FMN2: variants seen among roughly 807,000 people sequenced by gnomAD.
FMN2 encodes formin 2.
FMN2 carries 51 observed loss-of-function variants against 142.3 expected under a neutral mutation model. The ratio of observed to expected loss-of-function variants is 0.36; its 90% CI spans 0.29 to 0.45. The LOEUF is 0.45. Ranked by LOEUF, FMN2 falls within the 20% of genes least tolerant of loss-of-function variation. FMN2 has a pLI of 1.00. For synonymous variants in FMN2, 882 were observed against 869.8 expected, an observed-to-expected ratio of 1.01 and a Z score of -0.25; for missense variants, 1,936 against 2,122.8, an observed-to-expected ratio of 0.91 and a Z score of 1.73.
chr1:240,188,741 G>A (rs765574989), intron 4 of FMN2, among the ~76,000 whole-genome samples: 9 of 152,072 alleles, frequency 5.9e-5, no homozygotes, highest in African/African-American at 9.7e-5. Flanking sequence ...GTATTAGTCC[G>A]TTTTCACACT....
chr1:240,325,404 G>A (rs189596199), intron 8 of FMN2, among the ~76,000 whole-genome samples: 6 of 149,322 alleles, frequency 4.0e-5, no homozygotes, highest in East Asian at 3.9e-4. Flanking sequence ...TCCTCCAAAA[G>A]TAACATAGGT....
At chr1:240,331,047 A>G (rs924144881) in intron 11 of FMN2, among the ~76,000 whole-genome samples, 2 of 152,134 alleles carry the variant, frequency 1.3e-5, no homozygotes, top group Non-Finnish European at 2.9e-5. Context: ...TTCTTTTACC[A>G]TATCTTTCCC....
Position 240,333,901 on chromosome 1 carries a change from C to T in FMN2, c.4599C>T (p.Ser1533=). The part of the protein sequence containing the change: ...KDVKSSDNSR[S]LLSYIVSYYL... ...TTTCTGCCTAGGACAATAGCAGAAG[C>T]CTTTTGTCATATATTGTTTCGTATT... Residue 1533 remains serine, a synonymous_variant, in exon 12 of 18, where the codon AGC becomes AGT. Transcript: ENST00000319653. The T allele has an allele frequency of 3.1e-6, 5 of 1,607,516 alleles. No individual in the cohort carries two copies. The highest frequency in any genetic ancestry group is 4.2e-6 in the Non-Finnish European group (5 of 1,177,346).
chr1:240,362,270 T>A (rs1050897513), intron 14 of FMN2, among the ~76,000 whole-genome samples: 1 of 152,186 alleles, frequency 6.6e-6, no homozygotes, highest in African/African-American at 2.4e-5. Context: ...AGAAACCATA[T>A]GTGACATAGG....
intron 14 of FMN2, among the ~76,000 whole-genome samples, chr1:240,367,739 G>A (rs140740809): frequency 0.025 from 3,317 of 132,770 alleles, 106 homozygotes; most frequent in African/African-American, 0.093. Context: ...CTGCACTCTA[G>A]CCTGGGTGAC....
intron 14 of FMN2, among the ~76,000 whole-genome samples, chr1:240,364,406 G>A (rs1411954387): frequency 1.3e-5 from 2 of 152,082 alleles, no homozygotes; most frequent in Non-Finnish European, 2.9e-5. Flanking sequence ...TTTTGTATTA[G>A]TGCAACATTC....
At chr1:240,242,627 C>A (rs1268471131) in intron 6 of FMN2, among the ~76,000 whole-genome samples, 1 of 152,120 alleles carries the variant, frequency 6.6e-6, no homozygotes, top group East Asian at 1.9e-4. Flanking sequence ...TCAAGACAAC[C>A]AAATGAGAGA....
intron 1 of FMN2, among the ~76,000 whole-genome samples, chr1:240,094,242 T>C (rs943935487): frequency 6.6e-6 from 1 of 152,246 alleles, no homozygotes; most frequent in African/African-American, 2.4e-5. Context: ...GTATGTGATA[T>C]GTAGTTTCTA....
chr1:240,469,552 CAG>C (rs1159525047), intron 16 of FMN2, among the ~76,000 whole-genome samples: 3 of 152,168 alleles, frequency 2.0e-5, no homozygotes, highest in Admixed American at 2.0e-4. Context: ...TCTTGAAGCT[CAG>C]TTTGCTGTTT....
chr1:240,382,458 C>T (rs1255385776), intron 14 of FMN2, among the ~76,000 whole-genome samples: 4 of 152,106 alleles, frequency 2.6e-5, no homozygotes, highest in African/African-American at 4.8e-5. Flanking sequence ...GTCAGGAGTT[C>T]GAGACCAGCC....
chr1:240,282,377 C>A (rs2102940333), intron 7 of FMN2, among the ~76,000 whole-genome samples: 1 of 152,278 alleles, frequency 6.6e-6, no homozygotes, highest in Admixed American at 6.5e-5. Flanking sequence ...GTTAAGACTT[C>A]TCAGTAAACA....
intron 16 of FMN2, among the ~76,000 whole-genome samples, chr1:240,453,707 G>GAACACATAGAA (rs1572331912): frequency 2.6e-5 from 2 of 77,480 alleles, no homozygotes; most frequent in East Asian, 3.2e-4. Flanking sequence ...GGAAGGCATA[G>GAACACATAGAA]GGCCGGGCGC....
At chr1:240,145,185 C>T (rs1355587410) in intron 2 of FMN2, 32 of 1,439,828 alleles carry the variant, frequency 2.2e-5, no homozygotes, top group Admixed American at 2.0e-4. Flanking sequence ...TCCTTCTCCC[C>T]GAGTCATTCC....
At chr1:240,437,684 T>G (rs1301739745) in intron 15 of FMN2, among the ~76,000 whole-genome samples, 2 of 152,164 alleles carry the variant, frequency 1.3e-5, no homozygotes, top group Non-Finnish European at 2.9e-5. Context: ...GACTACATAC[T>G]AGTTTGGGGA....
intron 7 of FMN2, among the ~76,000 whole-genome samples, chr1:240,273,434 T>C (rs535659689): frequency 6.6e-6 from 1 of 152,318 alleles, no homozygotes; most frequent in African/African-American, 2.4e-5. Context: ...GTCCATGCTC[T>C]GAACCTCTGC....
intron 15 of FMN2, among the ~76,000 whole-genome samples, chr1:240,418,054 C>G (rs530865345): frequency 6.6e-6 from 1 of 151,894 alleles, no homozygotes; most frequent in Non-Finnish European, 1.5e-5. Flanking sequence ...CATATATTGT[C>G]CATCTATTTA....
intron 2 of FMN2, among the ~76,000 whole-genome samples, chr1:240,153,511 C>T (rs1663876719): frequency 6.6e-6 from 1 of 151,380 alleles, no homozygotes; most frequent in African/African-American, 2.4e-5. Flanking sequence ...AGGTGCATGC[C>T]ACCATGCTTG....
chr1:240,184,785 C>T (rs1433868568), intron 3 of FMN2, among the ~76,000 whole-genome samples: 1 of 151,856 alleles, frequency 6.6e-6, no homozygotes. Flanking sequence ...TGATCACTTT[C>T]ATTTAGGGAG....
In FMN2 at chr1:240,349,933, T is replaced by C. The variant is rs1230080698; in HGVS notation, c.4766-5883T>C. ...ATGTTTCTAAATGACCCTTCAAGTT[T>C]GTGAGATTGTAGTGTTCGGTATTTT... On this transcript the variant is annotated intron_variant, in intron 13 of 17. Coordinates refer to ENST00000319653, the MANE Select transcript of FMN2 (RefSeq NM_020066.5). Among the ~76,000 whole-genome samples, 4 of 149,944 alleles carry C rather than the reference T, an allele frequency of 2.7e-5. No homozygotes were observed. The South Asian group carries it at 8.4e-4, about 31-fold the overall frequency.
Sources: allele counts gnomAD v4.1 joint callset (sites outside exome capture counted in the v4.1 genomes callset), GRCh38; gene constraint gnomAD v4.1.1; transcripts MANE v1.5; gene names NCBI Gene and HGNC (gene_info 2026-07-23, HGNC 2026-07-21).